Variants in AMPD3 observed in about 807,000 individuals in gnomAD.
AMPD3 encodes adenosine monophosphate deaminase 3.
In AMPD3, 57 loss-of-function variants were observed where a neutral mutation model predicts 82.3. That is an observed-to-expected ratio of 0.69 (90% confidence interval 0.56 to 0.86). The LOEUF (loss-of-function observed/expected upper bound fraction) is 0.86. Ranked by LOEUF, AMPD3 falls within the 40% of genes least tolerant of loss-of-function variation. The pLI is 0.00. For synonymous variants in AMPD3, 381 were observed against 394.7 expected (o/e 0.97, Z 0.41); for missense variants, 870 against 1,003.8 (o/e 0.87, Z 1.80).
chr11:10,464,877 T>A (rs766592884), intron 2 of AMPD3, among the ~76,000 whole-genome samples: 1 of 152,216 alleles, frequency 6.6e-6, no homozygotes, highest in Non-Finnish European at 1.5e-5. Context: ...CGTGGCAGAT[T>A]TAAAGAAGCA....
intron 3 of AMPD3, chr11:10,481,493 T>C (rs1485293241): frequency 1.0e-6 from 1 of 985,298 alleles, no homozygotes; most frequent in Non-Finnish European, 1.2e-6. Flanking sequence ...CCAACGACCC[T>C]AACTCCTCCT....
At position 10,494,923 on chromosome 11, in the gene AMPD3, G is replaced by A; in HGVS notation, c.1159G>A (p.Asp387Asn). ...GGGCCGGCAGACATTCCACCGCTTT[G>A]ACAAGTTCAACTCCAAATACAACCC... ...HAGRQTFHRF[D>N]KFNSKYNPVG... Residue 387 changes from aspartate (D) to asparagine (N), a missense_variant, in exon 8 of 15, where the codon GAC becomes AAC. Transcript: ENST00000396553. 1.9e-6 allele frequency: 3 copies of A among 1,614,220 alleles called. No individual in the cohort carries two copies. The highest frequency in any genetic ancestry group is 2.5e-6 in the Non-Finnish European group (3 of 1,180,038).
intron 14 of AMPD3, 24 bp from the exon 15 acceptor site, chr11:10,505,684 A>C: frequency 6.2e-7 from 1 of 1,611,684 alleles, no homozygotes; most frequent in Non-Finnish European, 8.5e-7. Flanking sequence ...ATATAGTTTC[A>C]TTTGTATTTC....
intron 3 of AMPD3, 172 bp from the exon 4 acceptor site, chr11:10,481,891 A>G (rs1848918056): frequency 1.3e-6 from 1 of 765,940 alleles, no homozygotes; most frequent in Non-Finnish European, 2.3e-6. Flanking sequence ...TTGTTTGTAC[A>G]AGTAGTTTAG....
At chr11:10,453,737 C>T (rs1185002019), upstream of AMPD3, among the ~76,000 whole-genome samples, 2 of 152,042 alleles carry the variant, frequency 1.3e-5, no homozygotes, top group African/African-American at 2.4e-5. Context: ...TACAGGTGCG[C>T]ACCACCATGC....
chr11:10,458,318 G>A (rs961574787), intron 1 of AMPD3, among the ~76,000 whole-genome samples: 1 of 144,616 alleles, frequency 6.9e-6, no homozygotes, highest in Non-Finnish European at 1.5e-5. Flanking sequence ...CCTCCCTTCG[G>A]CAATTAAGGA....
intron 2 of AMPD3, among the ~76,000 whole-genome samples, chr11:10,474,110 T>C (rs1051326071): frequency 1.1e-4 from 17 of 152,164 alleles, no homozygotes; most frequent in African/African-American, 4.1e-4. Context: ...GGCATCTCAT[T>C]ACACCAACCA....
rs556801153 is a variant in AMPD3, at chr11:10,455,414, G to C, written c.-40G>C. On this transcript the variant is annotated 5_prime_UTR_variant, in exon 1 of 15. Transcript: ENST00000396553. ...GAGTGGCAGAGTCCAGCCAGCGCTC[G>C]GAGCTGGAGGCCCACGTGGGAGCAG... 9 of 985,352 alleles carry C rather than the reference G, an allele frequency of 9.1e-6. No homozygotes were observed. In the Admixed American group the frequency reaches 1.8e-4, roughly 20 times the overall value. The allele number at this position is 985,352 out of a possible 1,614,324, so 61.0% of individuals were successfully genotyped here.
At chr11:10,462,322 C>G (rs1253430109) in intron 2 of AMPD3, among the ~76,000 whole-genome samples, 1 of 152,126 alleles carries the variant, frequency 6.6e-6, no homozygotes, top group African/African-American at 2.4e-5. Flanking sequence ...AGAAACCAAA[C>G]AGGGGAGAGA....
At chr11:10,495,493 C>G in intron 8 of AMPD3, 77 bp from the exon 9 acceptor site, 15 of 1,609,306 alleles carry the variant, frequency 9.3e-6, no homozygotes, top group Non-Finnish European at 1.3e-5. Flanking sequence ...GCAACAGGAC[C>G]CTGCTGGTGA....
At chr11:10,505,093 A>G (rs1849681027) in intron 14 of AMPD3, 1 of 984,482 alleles carries the variant, frequency 1.0e-6, no homozygotes, top group Non-Finnish European at 1.2e-6. Flanking sequence ...TTTCTTGAAT[A>G]GATGAACAGT....
At chr11:10,452,391 T>C (rs190225163), upstream of AMPD3, among the ~76,000 whole-genome samples, 1 of 152,290 alleles carries the variant, frequency 6.6e-6, no homozygotes. Flanking sequence ...GTTGCATATC[T>C]AGGACAACAG....
At chr11:10,462,708 A>G (rs958427186) in intron 2 of AMPD3, among the ~76,000 whole-genome samples, 2 of 152,194 alleles carry the variant, frequency 1.3e-5, no homozygotes, top group Admixed American at 6.5e-5. Context: ...ATGAATAAGG[A>G]TGAGATGGGG....
intron 10 of AMPD3, chr11:10,499,572 TA>T: frequency 1.2e-6 from 1 of 821,866 alleles, no homozygotes; most frequent in Non-Finnish European, 1.5e-6. Flanking sequence ...TGCTCAATTG[TA>T]AAATGGGGCT....
rs1292401735 is a variant in AMPD3 at position 10,507,017 on chromosome 11, A to G, written c.*1133A>G. ...ACAATGGTCCCAGGGGCCAAGTAGA[A>G]AGCATTTTTAAAGATTAATCTGAAT... On this transcript the variant is annotated 3_prime_UTR_variant, in exon 15 of 15. Coordinates refer to ENST00000396553, the MANE Select transcript of AMPD3 (RefSeq NM_001025389.2). 2 of 152,578 alleles carry G rather than the reference A, an allele frequency of 1.3e-5. No homozygotes were observed. Among genetic ancestry groups the G allele is most frequent in the Admixed American group, 1.3e-4 (2 of 15,258 alleles). 9.5% of individuals were successfully genotyped at this position (152,578 alleles called of 1,614,324 possible). A position where few individuals can be genotyped will look rare whatever the true frequency, so the allele number is the denominator to read the frequency against.
upstream of AMPD3, among the ~76,000 whole-genome samples, chr11:10,453,165 G>A (rs2133801912): frequency 6.6e-6 from 1 of 152,306 alleles, no homozygotes; most frequent in East Asian, 1.9e-4. Flanking sequence ...GGCCAGGCTG[G>A]TCTCAAAACT....
intron 1 of AMPD3, chr11:10,460,911 T>C (rs1848250635): frequency 1.0e-6 from 1 of 985,448 alleles, no homozygotes; most frequent in Non-Finnish European, 1.2e-6. Context: ...GTAAAGAGTG[T>C]TCTAAAACCT....
upstream of AMPD3, among the ~76,000 whole-genome samples, chr11:10,453,736 G>A (rs1170860129): frequency 2.0e-5 from 3 of 151,936 alleles, no homozygotes; most frequent in Admixed American, 6.6e-5. Flanking sequence ...CTACAGGTGC[G>A]CACCACCATG....
chr11:10,470,863 TATC>T (rs1208874726), intron 2 of AMPD3, among the ~76,000 whole-genome samples: 1 of 152,170 alleles, frequency 6.6e-6, no homozygotes, highest in African/African-American at 2.4e-5. Context: ...GAAGAATCAA[TATC>T]ATGAAAATGG....
Sources: gnomAD v4.1 joint callset for allele counts (sites outside exome capture counted in the v4.1 genomes callset) on GRCh38, gnomAD v4.1.1 for gene constraint, MANE v1.5 for transcripts, NCBI Gene and HGNC (gene_info 2026-07-23, HGNC 2026-07-21) for gene names.